The following PEX14 variants were observed in gnomAD, a reference collection of about 807,000 sequenced individuals.
The protein encoded by PEX14 is peroxisomal biogenesis factor 14.
Under a neutral mutation model 49.5 loss-of-function variants are expected in PEX14, and 15 were observed. The observed-to-expected ratio is 0.30, with a 90% CI of 0.20 to 0.47. The LOEUF (loss-of-function observed/expected upper bound fraction) is 0.47, where lower values mean the gene tolerates loss of function less well. Among genes scored for constraint, PEX14 ranks in the 20% least tolerant of loss-of-function variants. The probability of loss-of-function intolerance (pLI) is 1.00; values close to 1 mark genes in which losing one functional copy is unlikely to be tolerated. For synonymous variants in PEX14, 210 were observed against 212.7 expected (o/e 0.99, Z 0.11); for missense variants, 398 against 494.8 (o/e 0.80, Z 1.86).
At chr1:10,602,128 C>T (rs185155192) in intron 4 of PEX14, among the ~76,000 whole-genome samples, 27 of 152,292 alleles carry the variant, frequency 1.8e-4, no homozygotes, top group Admixed American at 1.1e-3. Context: ...TTATTTAAAT[C>T]ATACTCATGT....
chr1:10,533,180 G>T (rs952336848), intron 2 of PEX14, among the ~76,000 whole-genome samples: 1 of 151,940 alleles, frequency 6.6e-6, no homozygotes, highest in African/African-American at 2.4e-5. Context: ...TTCTTATTCA[G>T]CACATTAGGT....
intron 4 of PEX14, among the ~76,000 whole-genome samples, chr1:10,605,404 A>G (rs574419230): frequency 6.6e-6 from 1 of 152,354 alleles, no homozygotes; most frequent in African/African-American, 2.4e-5. Flanking sequence ...GTCACCTTGC[A>G]TGGTGAGAAT....
At chr1:10,599,065 T>C (rs1640907111) in intron 3 of PEX14, among the ~76,000 whole-genome samples, 173 bp from the exon 4 acceptor site, 1 of 152,174 alleles carries the variant, frequency 6.6e-6, no homozygotes, top group Non-Finnish European at 1.5e-5. Context: ...ATTCTGTCGC[T>C]TAAGGTTAAA....
chr1:10,627,285 C>T lies in PEX14; in HGVS notation c.599C>T (p.Thr200Ile). The change falls in exon 8 of 9, where the codon ACC (threonine) becomes ATC (isoleucine). Residue 200 changes from threonine (T) to isoleucine (I), a missense_variant. By Grantham distance (89) the Thr-to-Ile change is moderately conservative. Coordinates refer to ENST00000356607, the MANE Select transcript of PEX14 (RefSeq NM_004565.3). ...CTCTGCTTTCAGGCCACCACATCCA[C>T]CAACTGGATCCTGGAGTCCCAGAAT... ...ELAAAKATTS[T>I]NWILESQNIN... The T allele has an allele frequency of 1.2e-6, 2 of 1,613,416 alleles. 1 individual carries two copies.
At chr1:10,511,544 T>C (rs774322656) in intron 2 of PEX14, among the ~76,000 whole-genome samples, 4 of 152,218 alleles carry the variant, frequency 2.6e-5, no homozygotes, top group Non-Finnish European at 5.9e-5. Context: ...TGCCATGAAC[T>C]GTAGGACCTA....
Position 10,512,846 on chromosome 1 carries a change from T to C in PEX14, c.84+17525T>C, listed in dbSNP as rs985834938. Among the ~76,000 whole-genome samples the C allele has an allele frequency of 1.3e-5, 2 of 152,112 alleles. No individual in the cohort carries two copies. Among genetic ancestry groups the C allele is most frequent in the Admixed American group, 6.5e-5 (1 of 15,286 alleles). The stretch of plus-strand genomic sequence containing the variant: ...CTGAGTAGCTGGGACTACAGGCGTG[T>C]GCCACCACGCCCGGCTAATTTTTTG... On this transcript the variant is annotated intron_variant, in intron 2 of 8. Coordinates refer to ENST00000356607, the MANE Select transcript of PEX14 (RefSeq NM_004565.3). This position sits in a 1 kb window ranked among gnomAD's most constrained non-coding sequence, Gnocchi z 4.6.
intron 7 of PEX14, 41 bp downstream of exon 7, chr1:10,624,478 T>A (rs778874458): frequency 7.6e-7 from 1 of 1,307,192 alleles, no homozygotes; most frequent in East Asian, 2.3e-5. Flanking sequence ...GGCCCAGGTC[T>A]GTCCCATGTG....
In PEX14 at chr1:10,503,021, G is replaced by A. The variant is rs12034132; in HGVS notation, c.84+7700G>A. 1.0e-3 allele frequency among the ~76,000 whole-genome samples: 151 copies of A among 151,416 alleles called. 1 individual carries two copies. The East Asian group carries it at 0.02, about 20-fold the overall frequency. On this transcript the variant is annotated intron_variant, in intron 2 of 8. Coordinates refer to ENST00000356607, the MANE Select transcript of PEX14 (RefSeq NM_004565.3). ...TCACTATGTTGCCCAGGCTGATCTCGAACTCCTGGGCTCAAGCGATCCCCC... is the reference window on the plus strand; with the variant it reads ...TCACTATGTTGCCCAGGCTGATCTCAAACTCCTGGGCTCAAGCGATCCCCC...
intron 3 of PEX14, among the ~76,000 whole-genome samples, chr1:10,567,003 A>G (rs915988396): frequency 1.3e-5 from 2 of 152,194 alleles, no homozygotes; most frequent in African/African-American, 2.4e-5. Context: ...AAGGTTTTGC[A>G]ATTTGTATGG....
chr1:10,565,644 TA>T (rs1639782495), intron 3 of PEX14, among the ~76,000 whole-genome samples: 1 of 152,232 alleles, frequency 6.6e-6, no homozygotes, highest in Admixed American at 6.5e-5. Flanking sequence ...TTCTTAGGAT[TA>T]GGAGATTAAT....
At chr1:10,534,091 C>CTGTA (rs1638728405) in intron 2 of PEX14, among the ~76,000 whole-genome samples, 1 of 152,242 alleles carries the variant, frequency 6.6e-6, no homozygotes, top group Admixed American at 6.5e-5. Flanking sequence ...ATGATAGGAG[C>CTGTA]TGTACTACTA....
Position 10,514,901 on chromosome 1 carries a change from G to T in PEX14, c.84+19580G>T, listed in dbSNP as rs1641945230. Among the ~76,000 whole-genome samples the T allele has an allele frequency of 6.6e-6, 1 of 152,164 alleles. No individual in the cohort carries two copies. The highest frequency in any genetic ancestry group is 2.4e-5 in the African/African-American group (1 of 41,440). On this transcript the variant is annotated intron_variant, in intron 2 of 8. Transcript: ENST00000356607. This position sits in a 1 kb window ranked among gnomAD's most constrained non-coding sequence, Gnocchi z 4.4. ...GTGCAGAAAACTGTCCCCCTTAAAA[G>T]CCTGGGTAACAAGGAGAGCTGATTT...
intron 1 of PEX14, among the ~76,000 whole-genome samples, chr1:10,491,674 C>CTTT (rs5772417): frequency 1.8e-5 from 1 of 55,122 alleles, no homozygotes; most frequent in Non-Finnish European, 3.3e-5. Context: ...GGCCATGCTC[C>CTTT]TTTTTTTTTT....
chr1:10,581,573 G>A (rs912013724), intron 3 of PEX14, among the ~76,000 whole-genome samples: 2 of 151,404 alleles, frequency 1.3e-5, no homozygotes, highest in Non-Finnish European at 2.9e-5. Context: ...CAAAGTGCTG[G>A]GATTACAGGC....
At position 10,539,865 on chromosome 1, in the gene PEX14, G is replaced by T. The variant is rs2124488981; in HGVS notation, c.169+3568G>T. Reference sequence around the variant, plus strand: ...TGCTTGTGAGGGGGGTGAGGTGGGGGAGGGGGATAGAGTTGTCTGTTAACT... The same window carrying T: ...TGCTTGTGAGGGGGGTGAGGTGGGGTAGGGGGATAGAGTTGTCTGTTAACT... On this transcript the variant is annotated intron_variant, in intron 3 of 8. Transcript: ENST00000356607. The surrounding 1 kb of genome is among the most constrained non-coding windows in gnomAD (Gnocchi z 4.6). 7.1e-6 allele frequency among the ~76,000 whole-genome samples: 1 copy of T among 141,434 alleles called. No individual in the cohort carries two copies. Among genetic ancestry groups the T allele is most frequent in the Non-Finnish European group, 1.5e-5 (1 of 64,744 alleles). 92.8% of individuals were successfully genotyped at this position (141,434 alleles called of 152,430 possible).
intron 3 of PEX14, among the ~76,000 whole-genome samples, chr1:10,541,456 G>A (rs1259030896): frequency 1.3e-5 from 2 of 152,198 alleles, no homozygotes; most frequent in South Asian, 2.1e-4. Context: ...TCTTTCTCCC[G>A]TAGCCCTGCC....
intron 3 of PEX14, among the ~76,000 whole-genome samples, chr1:10,564,411 A>G (rs6663898): frequency 0.62 from 93,031 of 150,770 alleles, 29,876 homozygotes; most frequent in Admixed American, 0.7. Flanking sequence ...GCATTTTACA[A>G]TTACCTTGTT....
intron 3 of PEX14, among the ~76,000 whole-genome samples, chr1:10,581,379 T>C (rs1448327478): frequency 6.7e-6 from 1 of 148,970 alleles, no homozygotes; most frequent in Non-Finnish European, 1.5e-5. Flanking sequence ...CAATCTCGGC[T>C]CACTGCAACC....
At chr1:10,570,136 A>AT (rs538752883) in intron 3 of PEX14, among the ~76,000 whole-genome samples, 6 of 150,770 alleles carry the variant, frequency 4.0e-5, no homozygotes, top group East Asian at 3.9e-4. Context: ...TCTTCTAATA[A>AT]TTTTTTTTTC....
Sources: allele counts gnomAD v4.1 joint callset (sites outside exome capture counted in the v4.1 genomes callset), GRCh38; gene constraint gnomAD v4.1.1; non-coding constraint Gnocchi (gnomAD v3.1); transcripts MANE v1.5; gene names NCBI Gene and HGNC (gene_info 2026-07-23, HGNC 2026-07-21).